Variants in CSMD3 observed in about 807,000 individuals in gnomAD.
CSMD3 encodes the protein CUB and Sushi multiple domains 3, also known as CUB and sushi domain-containing protein 3.
In CSMD3, 177 loss-of-function variants were observed where a neutral mutation model predicts 435.2. The ratio of observed to expected loss-of-function variants is 0.41; its 90% CI spans 0.36 to 0.46. The LOEUF is 0.46. CSMD3 is among the 20% of genes least tolerant of loss of function. The probability of loss-of-function intolerance (pLI) is 0.34; values close to 1 mark genes in which losing one functional copy is unlikely to be tolerated. For synonymous variants in CSMD3, 1,656 were observed against 1,520.5 expected, an observed-to-expected ratio of 1.09 and a Z score of -2.07; for missense variants, 4,265 against 4,504.6, an observed-to-expected ratio of 0.95 and a Z score of 1.52.
intron 27 of CSMD3, among the ~76,000 whole-genome samples, chr8:112,550,268 A>G (rs1352379288): frequency 6.6e-6 from 1 of 151,898 alleles, no homozygotes; most frequent in Non-Finnish European, 1.5e-5. Flanking sequence ...ATTTTTAAAA[A>G]ACAGGAAAAA....
chr8:112,517,732 T>C (rs1014409901), intron 27 of CSMD3, among the ~76,000 whole-genome samples: 2 of 152,186 alleles, frequency 1.3e-5, no homozygotes, highest in Non-Finnish European at 2.9e-5. Context: ...CATTTCAAAT[T>C]GGCTCAATTT....
rs1052715512 is a variant in CSMD3, at chr8:113,336,940, A to C, written c.179-22147T>G. 1.3e-5 allele frequency among the ~76,000 whole-genome samples: 2 copies of C among 152,168 alleles called. 1 individual carries two copies. Among genetic ancestry groups the C allele is most frequent in the Admixed American group, 1.3e-4 (2 of 15,266 alleles). ...GTAAGCCTGAAAGTACCAGCTCCCC[A>C]CTTAGTCTTTTTTTGCTGTGGATAA... On this transcript the variant is annotated intron_variant, in intron 1 of 70. Transcript: ENST00000297405.
chr8:112,898,961 T>A (rs1252333122), intron 10 of CSMD3, among the ~76,000 whole-genome samples: 1 of 151,232 alleles, frequency 6.6e-6, no homozygotes, highest in African/African-American at 2.4e-5. Flanking sequence ...CATTACTAAC[T>A]CTTCAAATAA....
At position 112,408,427 on chromosome 8, in the gene CSMD3, C is replaced by T. The variant is rs375339400; in HGVS notation, c.5510-14G>A. On this transcript the variant is annotated splice_polypyrimidine_tract_variant and intron_variant, in intron 33 of 70. Coordinates refer to ENST00000297405, the MANE Select transcript of CSMD3 (RefSeq NM_198123.2). The stretch of plus-strand genomic sequence containing the variant: ...GAAGTGATTCTCCTACTCAACAAAA[C>T]AAACACTAAGATATCATAAATAATT... 6.9e-7 allele frequency: 1 copy of T among 1,453,568 alleles called. No homozygotes were observed. Among genetic ancestry groups the T allele is most frequent in the South Asian group, 1.1e-5 (1 of 87,806 alleles). The allele number at this position is 1,453,568 out of a possible 1,614,324, so 90.0% of individuals were successfully genotyped here.
At chr8:113,027,358 T>C (rs753752077) in intron 5 of CSMD3, among the ~76,000 whole-genome samples, 8 of 152,106 alleles carry the variant, frequency 5.3e-5, no homozygotes, top group Non-Finnish European at 8.8e-5. Context: ...AAAAACTTTC[T>C]GTTGTGTTGT....
intron 61 of CSMD3, among the ~76,000 whole-genome samples, chr8:112,263,136 GT>G (rs1563706057): frequency 1.2e-5 from 1 of 80,160 alleles, no homozygotes; most frequent in African/African-American, 7.6e-5. Flanking sequence ...AGCAACCTCT[GT>G]AAAAAAAAAA....
At position 112,573,619 on chromosome 8, in the gene CSMD3, AC is replaced by A. The variant is rs757057471; in HGVS notation, c.3923del (p.Gly1308ValfsTer11). On this transcript the variant is annotated frameshift_variant, in exon 24 of 71. Coordinates refer to ENST00000297405, the MANE Select transcript of CSMD3 (RefSeq NM_198123.2). LOFTEE classifies it high-confidence loss of function. ...DGKDKTTHLLGAFTGASMRGL... is the reference protein window; with the variant it reads ...DGKDKTTHLLXAFTGASMRGL... ...CGCGCATAGATGCACCAGTAAAAGC[AC>A]CTAGTAGATGAGTCGTTTTATCTTT... 6.2e-7 allele frequency: 1 copy of A among 1,612,962 alleles called. No homozygotes were observed. Among genetic ancestry groups the A allele is most frequent in the African/African-American group, 1.3e-5 (1 of 75,012 alleles).
chr8:112,249,089 T>C (rs1815027060), intron 63 of CSMD3, among the ~76,000 whole-genome samples: 1 of 152,098 alleles, frequency 6.6e-6, no homozygotes, highest in Non-Finnish European at 1.5e-5. Flanking sequence ...TATTCTTCAG[T>C]CAAACCAGTT....
chr8:113,395,298 T>G (rs1349018787), intron 1 of CSMD3, among the ~76,000 whole-genome samples: 1 of 152,066 alleles, frequency 6.6e-6, no homozygotes, highest in Non-Finnish European at 1.5e-5. Flanking sequence ...GACTGCCTAA[T>G]CTCAAAATTT....
chr8:112,362,996 T>C (rs1317595064), intron 38 of CSMD3, among the ~76,000 whole-genome samples: 4 of 151,990 alleles, frequency 2.6e-5, no homozygotes, highest in Non-Finnish European at 5.9e-5. Flanking sequence ...ATATAGACTG[T>C]GAACAGTCCT....
intron 61 of CSMD3, among the ~76,000 whole-genome samples, chr8:112,260,502 CAT>C (rs1816277554): frequency 6.6e-6 from 1 of 152,064 alleles, no homozygotes; most frequent in East Asian, 1.9e-4. Flanking sequence ...AATGTAAATA[CAT>C]ATTTTATTAC....
chr8:112,433,584 G>T (rs1229561556), intron 32 of CSMD3, among the ~76,000 whole-genome samples: 2 of 149,012 alleles, frequency 1.3e-5, no homozygotes, highest in Non-Finnish European at 3.0e-5. Flanking sequence ...TTAAACCTGG[G>T]TGGTCCAGGC....
At chr8:112,317,186 C>G (rs1294432475) in intron 47 of CSMD3, among the ~76,000 whole-genome samples, 5 of 152,058 alleles carry the variant, frequency 3.3e-5, no homozygotes, top group Admixed American at 3.3e-4. Flanking sequence ...GTATTCTCCA[C>G]AGCAGACAGA....
intron 30 of CSMD3, among the ~76,000 whole-genome samples, chr8:112,497,995 G>A (rs775241839): frequency 6.6e-6 from 1 of 152,104 alleles, no homozygotes; most frequent in African/African-American, 2.4e-5. Flanking sequence ...GTGTCTAAAT[G>A]TGTACTGGTA....
intron 4 of CSMD3, among the ~76,000 whole-genome samples, chr8:113,140,988 G>C (rs1448495599): frequency 6.6e-6 from 1 of 150,592 alleles, no homozygotes; most frequent in Non-Finnish European, 1.5e-5. Context: ...ACAAATTATT[G>C]ACATAAGGAA....
At chr8:112,812,406 G>A (rs1159233284) in intron 12 of CSMD3, among the ~76,000 whole-genome samples, 2 of 152,124 alleles carry the variant, frequency 1.3e-5, no homozygotes, top group African/African-American at 4.8e-5. Flanking sequence ...GAAAACCTGG[G>A]GAGAAGAGAT....
intron 13 of CSMD3, among the ~76,000 whole-genome samples, chr8:112,757,554 T>C (rs954908395): frequency 6.6e-6 from 1 of 152,076 alleles, no homozygotes; most frequent in Non-Finnish European, 1.5e-5. Context: ...TTAAAATATT[T>C]TTTGTATCTG....
At chr8:112,402,561 T>C (rs1359712044) in intron 35 of CSMD3, among the ~76,000 whole-genome samples, 1 of 152,168 alleles carries the variant, frequency 6.6e-6, no homozygotes, top group Non-Finnish European at 1.5e-5. Flanking sequence ...TATATGAAAC[T>C]AAATGAAGAG....
rs564286287 is a variant in CSMD3, at chr8:112,490,045, C to T, written c.5278+2444G>A. Among the ~76,000 whole-genome samples the T allele has an allele frequency of 3.3e-5, 5 of 152,146 alleles. No homozygotes were observed. In the South Asian group the frequency reaches 1.0e-3, roughly 32 times the overall value. On this transcript the variant is annotated intron_variant, in intron 31 of 70. Coordinates refer to ENST00000297405, the MANE Select transcript of CSMD3 (RefSeq NM_198123.2). ...TATACTAGTTAACCAAAACATAACA[C>T]CTGATGCAAGATGTGATGCATGTTT...
Sources: allele counts gnomAD v4.1 joint callset (sites outside exome capture counted in the v4.1 genomes callset), GRCh38; gene constraint gnomAD v4.1.1; transcripts MANE v1.5; gene names NCBI Gene and HGNC (gene_info 2026-07-23, HGNC 2026-07-21).